RFTN1: variants seen among roughly 807,000 people sequenced by gnomAD.
The protein encoded by RFTN1 is raftlin.
A neutral mutation model predicts 46.5 loss-of-function variants in RFTN1; 26 were observed. That is an observed-to-expected ratio of 0.56 (90% confidence interval 0.41 to 0.78). The LOEUF is 0.78. Among genes scored for constraint, RFTN1 ranks in the 30% least tolerant of loss-of-function variants. The pLI is 0.00. For synonymous variants in RFTN1, 261 were observed against 284.2 expected (o/e 0.92, Z 0.82); for missense variants, 693 against 718.7 (o/e 0.96, Z 0.41).
rs1282143388 is a variant in RFTN1 at position 16,488,159 on chromosome 3, A to G, written c.145+5566T>C. Among the ~76,000 whole-genome samples the G allele has an allele frequency of 2.7e-5, 4 of 149,084 alleles. No homozygotes were observed. In the East Asian group the frequency reaches 7.9e-4, roughly 29 times the overall value. ...CTCTTGTTGCCCAGGCTGGAGTGCAATGGTGCGATCTCAGCTCACCGCAAC... is the reference window on the plus strand; with the variant it reads ...CTCTTGTTGCCCAGGCTGGAGTGCAGTGGTGCGATCTCAGCTCACCGCAAC... On this transcript the variant is annotated intron_variant, in intron 2 of 9. Transcript: ENST00000334133.
rs896304303 is a variant in RFTN1, at chr3:16,474,269, C to T, written c.145+19456G>A. Among the ~76,000 whole-genome samples the T allele has an allele frequency of 6.6e-6, 1 of 152,138 alleles. No homozygotes were observed. The highest frequency in any genetic ancestry group is 1.5e-5 in the Non-Finnish European group (1 of 68,028). ...ACTCACAGGGCCTAAGTAACTCATC[C>T]GAGGTCACAGAGCAAATGAGAGAGA... On this transcript the variant is annotated intron_variant, in intron 2 of 9. Coordinates refer to ENST00000334133, the MANE Select transcript of RFTN1 (RefSeq NM_015150.2). This position sits in a 1 kb window ranked among gnomAD's most constrained non-coding sequence, Gnocchi z 5.5.
rs539410631 is a variant in RFTN1, at chr3:16,422,077, T to A, written c.332+11774A>T. On this transcript the variant is annotated intron_variant, in intron 3 of 9. Coordinates refer to ENST00000334133, the MANE Select transcript of RFTN1 (RefSeq NM_015150.2). The surrounding 1 kb of genome is among the most constrained non-coding windows in gnomAD (Gnocchi z 4.6). ...AGACACCTCAGTTCTCCTTCAACATTAAATATGTCTACCCCACTTTGGTAA... is the reference window on the plus strand; with the variant it reads ...AGACACCTCAGTTCTCCTTCAACATAAAATATGTCTACCCCACTTTGGTAA... 2.4e-4 allele frequency among the ~76,000 whole-genome samples: 36 copies of A among 152,328 alleles called. No individual in the cohort carries two copies. Among genetic ancestry groups the A allele is most frequent in the Non-Finnish European group, 4.9e-4 (33 of 68,028 alleles).
rs551376841 is a variant in RFTN1, at chr3:16,505,562, C to T, written c.-9+7880G>A. On this transcript the variant is annotated intron_variant, in intron 1 of 9. Transcript: ENST00000334133. ...AGGGCAGGCCAGAAGGCTGGAAACC[C>T]AGAGAATAGTTGATGTTGCAATCTT... Among the ~76,000 whole-genome samples, 5 of 152,282 alleles carry T rather than the reference C, an allele frequency of 3.3e-5. No individual in the cohort carries two copies. In the East Asian group the frequency reaches 7.7e-4, roughly 23 times the overall value.
At chr3:16,482,943 C>T (rs1202392637) in intron 2 of RFTN1, 2 of 918,122 alleles carry the variant, frequency 2.2e-6, no homozygotes, top group East Asian at 5.3e-5. Flanking sequence ...GACCCTGGGG[C>T]CTCTTGCAGC....
rs1229732907 is a variant in RFTN1 at position 16,327,832 on chromosome 3, C to T, written c.1147-956G>A. Among the ~76,000 whole-genome samples, 1 of 152,168 alleles carries T rather than the reference C, an allele frequency of 6.6e-6. No homozygotes were observed. The highest frequency in any genetic ancestry group is 1.5e-5 in the Non-Finnish European group (1 of 68,018). On this transcript the variant is annotated intron_variant, in intron 7 of 9. Coordinates refer to ENST00000334133, the MANE Select transcript of RFTN1 (RefSeq NM_015150.2). This position sits in a 1 kb window ranked among gnomAD's most constrained non-coding sequence, Gnocchi z 4.2. ...AGGGAGAGAGCCCTGATGTGAGGCC[C>T]CTGCACTGGCTTCCACCTCTGCAGG...
intron 2 of RFTN1, among the ~76,000 whole-genome samples, chr3:16,478,462 C>T (rs1219868594): frequency 1.3e-5 from 2 of 152,234 alleles, no homozygotes; most frequent in Non-Finnish European, 2.9e-5. Flanking sequence ...CCAACAACTC[C>T]ATGATGTTGT....
At chr3:16,436,751 A>C (rs1053119395) in intron 2 of RFTN1, among the ~76,000 whole-genome samples, 2 of 152,244 alleles carry the variant, frequency 1.3e-5, no homozygotes, top group Non-Finnish European at 2.9e-5. Flanking sequence ...TATATTCCCA[A>C]ATATGAGTTT....
Position 16,418,731 on chromosome 3 carries a change from G to C in RFTN1, c.333-9248C>G, listed in dbSNP as rs1158778142. On this transcript the variant is annotated intron_variant, in intron 3 of 9. Coordinates refer to ENST00000334133, the MANE Select transcript of RFTN1 (RefSeq NM_015150.2). The surrounding 1 kb of genome is among the most constrained non-coding windows in gnomAD (Gnocchi z 5.0). The stretch of plus-strand genomic sequence containing the variant: ...AGAGAAATGAGCTAGAGATCTGAAA[G>C]AGATTTGTCAATGAAAGAAAAAGAA... Among the ~76,000 whole-genome samples the C allele has an allele frequency of 6.6e-6, 1 of 151,752 alleles. No individual in the cohort carries two copies. The highest frequency in any genetic ancestry group is 2.4e-5 in the African/African-American group (1 of 41,296).
rs975476526 is a variant in RFTN1, at chr3:16,413,422, T to C, written c.333-3939A>G. ...TATGGAAGAAGCATTAACCTGAAAC[T>C]CCCAGCTGAGCAGGCATTGCCACCT... On this transcript the variant is annotated intron_variant, in intron 3 of 9. Transcript: ENST00000334133. The surrounding 1 kb of genome is among the most constrained non-coding windows in gnomAD (Gnocchi z 4.7). Among the ~76,000 whole-genome samples the C allele has an allele frequency of 1.3e-5, 2 of 152,184 alleles. No individual in the cohort carries two copies. Among genetic ancestry groups the C allele is most frequent in the Admixed American group, 6.5e-5 (1 of 15,282 alleles).
chr3:16,379,934 A>C (rs536802867), intron 4 of RFTN1, among the ~76,000 whole-genome samples: 30 of 152,372 alleles, frequency 2.0e-4, no homozygotes, highest in Admixed American at 9.1e-4. Context: ...TTCTGGCAAC[A>C]TATGCCAAAA....
chr3:16,437,021 C>G (rs1052438779), intron 2 of RFTN1, among the ~76,000 whole-genome samples: 1 of 152,138 alleles, frequency 6.6e-6, no homozygotes, highest in African/African-American at 2.4e-5. Context: ...AATATTTTCA[C>G]CATGCTACAA....
intron 6 of RFTN1, among the ~76,000 whole-genome samples, chr3:16,364,287 AATTCTGTAAGAGCTGTC>A (rs1284124139): frequency 6.6e-6 from 1 of 152,134 alleles, no homozygotes; most frequent in Non-Finnish European, 1.5e-5. Flanking sequence ...TCCTCCCCAA[AATTCTGTAAGAGCTGTC>A]ATTCCCTTTT....
intron 4 of RFTN1, among the ~76,000 whole-genome samples, chr3:16,379,318 A>G (rs571619392): frequency 5.8e-4 from 88 of 152,386 alleles, no homozygotes; most frequent in African/African-American, 2.1e-3. Flanking sequence ...GCAAACATGC[A>G]GTCCAGTCTT....
chr3:16,433,842 A>G lies in RFTN1; in HGVS notation c.332+9T>C. On this transcript the variant is annotated intron_variant, in intron 3 of 9. Transcript: ENST00000334133. This position sits in a 1 kb window ranked among gnomAD's most constrained non-coding sequence, Gnocchi z 4.4. ...CAGGATGCTACCCATTCACCCGTGG[A>G]GGCCTTACCTGTCGGTTTTCTTGAT... 1.2e-6 allele frequency: 2 copies of G among 1,613,866 alleles called. No homozygotes were observed. The highest frequency in any genetic ancestry group is 1.1e-5 in the South Asian group (1 of 91,062).
rs1241984202 is a variant in RFTN1 at position 16,370,744 on chromosome 3, T to C, written c.827-465A>G. Reference sequence around the variant, plus strand: ...GAACCTTGTACACTCCTGAACTCACTATTTATAAACTGCAGTAGTGTTTCC... The same window carrying C: ...GAACCTTGTACACTCCTGAACTCACCATTTATAAACTGCAGTAGTGTTTCC... On this transcript the variant is annotated intron_variant, in intron 5 of 9. Coordinates refer to ENST00000334133, the MANE Select transcript of RFTN1 (RefSeq NM_015150.2). The surrounding 1 kb of genome is among the most constrained non-coding windows in gnomAD (Gnocchi z 5.5). The C allele has an allele frequency of 3.1e-5, 5 of 160,676 alleles. No individual in the cohort carries two copies. The highest frequency in any genetic ancestry group is 5.5e-5 in the Non-Finnish European group (4 of 72,660). The allele number at this position is 160,676 out of a possible 1,614,324, so 10.0% of individuals were successfully genotyped here.
In RFTN1 at chr3:16,459,587, G is replaced by A. The variant is rs1018577571; in HGVS notation, c.146-25550C>T. Reference sequence around the variant, plus strand: ...AGCCTGGGTGACAGAGTGAGACCCTGTGTTTCTAAAATAATAATAATAATA... The same window carrying A: ...AGCCTGGGTGACAGAGTGAGACCCTATGTTTCTAAAATAATAATAATAATA... On this transcript the variant is annotated intron_variant, in intron 2 of 9. Transcript: ENST00000334133. The surrounding 1 kb of genome is among the most constrained non-coding windows in gnomAD (Gnocchi z 4.2). Among the ~76,000 whole-genome samples, 2 of 152,044 alleles carry A rather than the reference G, an allele frequency of 1.3e-5. No homozygotes were observed. Among genetic ancestry groups the A allele is most frequent in the Admixed American group, 6.5e-5 (1 of 15,268 alleles).
At position 16,341,525 on chromosome 3, in the gene RFTN1, A is replaced by ACT. The variant is rs1348800779; in HGVS notation, c.1147-14650_1147-14649insAG. Among the ~76,000 whole-genome samples, 2 of 152,216 alleles carry ACT rather than the reference A, an allele frequency of 1.3e-5. No homozygotes were observed. The highest frequency in any genetic ancestry group is 2.9e-5 in the Non-Finnish European group (2 of 68,042). On this transcript the variant is annotated intron_variant, in intron 7 of 9. Coordinates refer to ENST00000334133, the MANE Select transcript of RFTN1 (RefSeq NM_015150.2). This position sits in a 1 kb window ranked among gnomAD's most constrained non-coding sequence, Gnocchi z 4.7. ...AGCCTTAAATCCATATTACTAAGTG[A>ACT]AAGAAGCCAACTGGAAAAGGCTACA...
In RFTN1 at chr3:16,442,350, A is replaced by G. The variant is rs969320541; in HGVS notation, c.146-8313T>C. Among the ~76,000 whole-genome samples, 1 of 152,102 alleles carries G rather than the reference A, an allele frequency of 6.6e-6. No individual in the cohort carries two copies. The highest frequency in any genetic ancestry group is 1.5e-5 in the Non-Finnish European group (1 of 68,012). ...TTTCATCACCCCCAAAGGAAACTCC[A>G]TGTCCATTAAGCAGTTACTCTTCCC... On this transcript the variant is annotated intron_variant, in intron 2 of 9. Transcript: ENST00000334133. This position sits in a 1 kb window ranked among gnomAD's most constrained non-coding sequence, Gnocchi z 4.1.
At position 16,503,766 on chromosome 3, in the gene RFTN1, A is replaced by T. The variant is rs111616641; in HGVS notation, c.-9+9676T>A. ...GCCATCCTCCCAGGCAAGCACAGGC[A>T]CCTCCTACATTTCTGTCCTCCTCCA... On this transcript the variant is annotated intron_variant, in intron 1 of 9. Transcript: ENST00000334133. Among the ~76,000 whole-genome samples, 1,164 of 152,118 alleles carry T rather than the reference A, an allele frequency of 7.7e-3. 11 individuals are homozygous for T. The highest frequency in any genetic ancestry group is 0.025 in the African/African-American group (1,038 of 41,494).
Sources: allele counts gnomAD v4.1 joint callset (sites outside exome capture counted in the v4.1 genomes callset), GRCh38; gene constraint gnomAD v4.1.1; non-coding constraint Gnocchi (gnomAD v3.1); transcripts MANE v1.5; gene names NCBI Gene and HGNC (gene_info 2026-07-23, HGNC 2026-07-21).